DPP6: variants seen among roughly 807,000 people sequenced by gnomAD.
The protein encoded by DPP6 is A-type potassium channel modulatory protein DPP6.
DPP6 carries 69 observed loss-of-function variants against 122.6 expected under a neutral mutation model. The ratio of observed to expected loss-of-function variants is 0.56; its 90% CI spans 0.46 to 0.69. The LOEUF is 0.69. Among genes scored for constraint, DPP6 ranks in the 30% least tolerant of loss-of-function variants. The pLI, the probability that DPP6 is intolerant of heterozygous loss-of-function variation, is 0.00. For synonymous variants in DPP6, 418 were observed against 433.1 expected, an observed-to-expected ratio of 0.97 and a Z score of 0.43; for missense variants, 928 against 1,116.9, an observed-to-expected ratio of 0.83 and a Z score of 2.41.
intron 1 of DPP6, among the ~76,000 whole-genome samples, chr7:154,102,106 C>T (rs1805774536): frequency 6.6e-6 from 1 of 152,114 alleles, no homozygotes; most frequent in Non-Finnish European, 1.5e-5. Context: ...CTCACACGCA[C>T]AGATTGTCAG....
rs776460630 is a variant in DPP6, at chr7:154,013,458, C to CTTTT, written c.51+125737_51+125740dup. Among the ~76,000 whole-genome samples the CTTTT allele has an allele frequency of 7.2e-3, 917 of 127,300 alleles. 8 individuals are homozygous for CTTTT. Among genetic ancestry groups the CTTTT allele is most frequent in the African/African-American group, 0.02 (673 of 33,212 alleles). The allele number at this position is 127,300 out of a possible 152,430, so 83.5% of individuals were successfully genotyped here. The stretch of plus-strand genomic sequence containing the variant: ...CTCAGAGAAACCTCAGGTTTCTTTT[C>CTTTT]TTTTTTTTTTTTTTTTAACAAATTC... On this transcript the variant is annotated intron_variant, in intron 1 of 25. Transcript: ENST00000404039.
chr7:153,831,691 T>C, the DPP6 span, among the ~76,000 whole-genome samples: 1 of 152,216 alleles, frequency 6.6e-6, no homozygotes, highest in African/African-American at 2.4e-5. Context: ...ATAATGTTTT[T>C]TTAATTTTGT....
At chr7:153,975,582 T>C (rs1182880634) in intron 1 of DPP6, among the ~76,000 whole-genome samples, 1 of 151,660 alleles carries the variant, frequency 6.6e-6, no homozygotes. Context: ...ATGAGAGTTC[T>C]ATTTTTTTTT....
chr7:154,198,338 G>C (rs1243598197), intron 1 of DPP6, among the ~76,000 whole-genome samples: 1 of 151,660 alleles, frequency 6.6e-6, no homozygotes, highest in African/African-American at 2.4e-5. Context: ...TTGAGATAGG[G>C]TCTCACTCTG....
chr7:154,133,901 G>A (rs1202185045), intron 1 of DPP6, among the ~76,000 whole-genome samples: 2 of 151,074 alleles, frequency 1.3e-5, no homozygotes, highest in African/African-American at 2.4e-5. Flanking sequence ...CTGCATCCAC[G>A]CCCCCCATGG....
chr7:154,384,969 A>T (rs1332014160), intron 1 of DPP6, among the ~76,000 whole-genome samples: 2 of 151,172 alleles, frequency 1.3e-5, no homozygotes, highest in African/African-American at 4.9e-5. Context: ...ATAGTTTTTT[A>T]AATTTTATTT....
At chr7:153,894,619 T>A (rs1391608303) in intron 1 of DPP6, among the ~76,000 whole-genome samples, 1 of 152,134 alleles carries the variant, frequency 6.6e-6, no homozygotes, top group Non-Finnish European at 1.5e-5. Flanking sequence ...GTTGGGAATG[T>A]TTGGTTAAGT....
At chr7:154,631,092 A>C (rs1313108740) in intron 5 of DPP6, among the ~76,000 whole-genome samples, 1 of 152,250 alleles carries the variant, frequency 6.6e-6, no homozygotes, top group African/African-American at 2.4e-5. Flanking sequence ...TTTAGAACTC[A>C]GAAGATACAT....
rs533793529 is a variant in DPP6, at chr7:154,860,487, G to A, written c.1714+6660G>A. ...TGCTGGGGGCCATGGTGGAAAGGAT[G>A]AGAGTCTGGACCAGCAGGGGGGCCT... On this transcript the variant is annotated intron_variant, in intron 17 of 25. Coordinates refer to ENST00000377770, the MANE Select transcript of DPP6 (RefSeq NM_130797.4). Among the ~76,000 whole-genome samples, 487 of 152,326 alleles carry A rather than the reference G, an allele frequency of 3.2e-3. 2 individuals carry two copies. Among genetic ancestry groups the A allele is most frequent in the Non-Finnish European group, 5.6e-3 (378 of 68,026 alleles).
the DPP6 span, among the ~76,000 whole-genome samples, chr7:153,806,313 A>T: frequency 2.6e-5 from 4 of 151,912 alleles, no homozygotes; most frequent in African/African-American, 9.7e-5. Context: ...CCCTATCCAG[A>T]TGTAATTTCT....
the DPP6 span, among the ~76,000 whole-genome samples, chr7:153,766,056 T>TATGA: frequency 6.6e-6 from 1 of 152,226 alleles, no homozygotes; most frequent in African/African-American, 2.4e-5. Context: ...GTGGTAAGGC[T>TATGA]CCACTGCTTT....
At chr7:154,113,068 G>C (rs1806709317) in intron 1 of DPP6, among the ~76,000 whole-genome samples, 2 of 152,110 alleles carry the variant, frequency 1.3e-5, no homozygotes, top group South Asian at 2.1e-4. Flanking sequence ...CTGTATTAAG[G>C]CTAAATAATA....
At chr7:153,904,103 C>T (rs1056897657) in intron 1 of DPP6, among the ~76,000 whole-genome samples, 8 of 152,092 alleles carry the variant, frequency 5.3e-5, no homozygotes, top group Admixed American at 2.6e-4. Flanking sequence ...CTAAGCTGGA[C>T]GGCAGTGGCA....
intron 16 of DPP6, among the ~76,000 whole-genome samples, chr7:154,809,618 A>C (rs1161659257): frequency 6.6e-6 from 1 of 152,210 alleles, no homozygotes. Context: ...GCATGAGAGC[A>C]TAGAATGGGA....
the DPP6 span, among the ~76,000 whole-genome samples, chr7:153,807,430 A>AAC: frequency 1.6e-4 from 24 of 146,738 alleles, no homozygotes; most frequent in African/African-American, 5.5e-4. Flanking sequence ...CAAACAAACA[A>AAC]AAAAAAAAAC....
At chr7:154,689,982 C>T (rs185694635) in intron 7 of DPP6, among the ~76,000 whole-genome samples, 1,594 of 152,294 alleles carry the variant, frequency 0.01, 7 homozygotes, top group Middle Eastern at 0.02. Context: ...GGCAGGAATA[C>T]ATCTTTCGCA....
At chr7:154,439,569 G>C (rs1256393919) in intron 1 of DPP6, among the ~76,000 whole-genome samples, 2 of 152,202 alleles carry the variant, frequency 1.3e-5, no homozygotes, top group Non-Finnish European at 2.9e-5. Context: ...GAATCTATCA[G>C]ACCCAGTCAA....
intron 5 of DPP6, among the ~76,000 whole-genome samples, chr7:154,610,226 C>G (rs7777629): frequency 6.6e-6 from 1 of 151,988 alleles, no homozygotes; most frequent in African/African-American, 2.4e-5. Flanking sequence ...ATTCTGAGTA[C>G]CAAATGAGTG....
intron 1 of DPP6, among the ~76,000 whole-genome samples, chr7:154,427,886 C>G (rs562818935): frequency 1.3e-5 from 2 of 152,354 alleles, no homozygotes; most frequent in East Asian, 3.9e-4. Context: ...TTAATTTGCA[C>G]TGCCTTGCCC....
Sources: gnomAD v4.1 joint callset for allele counts (sites outside exome capture counted in the v4.1 genomes callset) on GRCh38, gnomAD v4.1.1 for gene constraint, MANE v1.5 for transcripts, NCBI Gene and HGNC (gene_info 2026-07-23, HGNC 2026-07-21) for gene names.